Variants in KHDRBS2 observed in about 807,000 individuals in gnomAD.
KHDRBS2 encodes KH RNA binding domain containing, signal transduction associated 2, also known as KH domain-containing, RNA-binding, signal transduction-associated protein 2.
KHDRBS2 carries 26 observed loss-of-function variants against 44.3 expected under a neutral mutation model. That is an observed-to-expected ratio of 0.59 (90% CI 0.43 to 0.81). The LOEUF (loss-of-function observed/expected upper bound fraction) is 0.81. Ranked by LOEUF, KHDRBS2 falls within the 40% of genes least tolerant of loss-of-function variation. The pLI, the probability that KHDRBS2 is intolerant of heterozygous loss-of-function variation, is 0.00. For missense variants in KHDRBS2, 476 were observed against 433.1 expected, an observed-to-expected ratio of 1.10 and a Z score of -0.88; for synonymous variants, 194 against 151.1, an observed-to-expected ratio of 1.28 and a Z score of -2.08.
At chr6:62,246,079 T>C (rs1206930522) in intron 1 of KHDRBS2, among the ~76,000 whole-genome samples, 2 of 138,910 alleles carry the variant, frequency 1.4e-5, no homozygotes, top group East Asian at 4.2e-4. Flanking sequence ...TTCTACAGCA[T>C]AGAAACATTA....
At chr6:61,565,057 A>T in the KHDRBS2 span, among the ~76,000 whole-genome samples, 86 of 152,272 alleles carry the variant, frequency 5.6e-4, no homozygotes, top group African/African-American at 2.0e-3. Context: ...CCAAGAACAC[A>T]CATTAAGGGA....
At chr6:62,025,694 T>G (rs1562668701) in intron 3 of KHDRBS2, among the ~76,000 whole-genome samples, 1 of 152,022 alleles carries the variant, frequency 6.6e-6, no homozygotes, top group Non-Finnish European at 1.5e-5. Flanking sequence ...CTGTGGTTGG[T>G]TTATAAGTTT....
chr6:61,713,933 T>C (rs1194726392), intron 7 of KHDRBS2, among the ~76,000 whole-genome samples: 4 of 151,814 alleles, frequency 2.6e-5, no homozygotes, highest in Non-Finnish European at 5.9e-5. Flanking sequence ...CCTGAAACTA[T>C]AAAAGCACTA....
intron 7 of KHDRBS2, among the ~76,000 whole-genome samples, chr6:61,699,718 G>A (rs1436994653): frequency 6.6e-6 from 1 of 151,998 alleles, no homozygotes; most frequent in Non-Finnish European, 1.5e-5. Flanking sequence ...CTATATATCA[G>A]AGATAAAAAG....
At chr6:61,998,168 C>A (rs1584055301) in intron 3 of KHDRBS2, among the ~76,000 whole-genome samples, 1 of 152,082 alleles carries the variant, frequency 6.6e-6, no homozygotes, top group African/African-American at 2.4e-5. Flanking sequence ...GGGAGACTTA[C>A]TGAAAACTTC....
chr6:61,993,434 A>G (rs1776517474), intron 3 of KHDRBS2, among the ~76,000 whole-genome samples: 2 of 151,948 alleles, frequency 1.3e-5, no homozygotes, highest in African/African-American at 4.8e-5. Flanking sequence ...TTTGTCCTAT[A>G]GAACTGATAA....
At chr6:62,081,896 C>T (rs1349774844) in intron 2 of KHDRBS2, among the ~76,000 whole-genome samples, 1 of 151,938 alleles carries the variant, frequency 6.6e-6, no homozygotes, top group South Asian at 2.1e-4. Flanking sequence ...ACTCTTCTTC[C>T]TGTAGCCTCT....
chr6:61,987,582 C>T (rs1357538383), intron 3 of KHDRBS2, among the ~76,000 whole-genome samples: 3 of 152,092 alleles, frequency 2.0e-5, no homozygotes, highest in African/African-American at 7.2e-5. Flanking sequence ...CAGCTTTTAC[C>T]ATCAAGAAAT....
At chr6:61,703,473 A>G (rs1769007359) in intron 7 of KHDRBS2, among the ~76,000 whole-genome samples, 1 of 151,778 alleles carries the variant, frequency 6.6e-6, no homozygotes, top group African/African-American at 2.4e-5. Flanking sequence ...GTATTCTTAA[A>G]TTTTGTTCTC....
intron 6 of KHDRBS2, among the ~76,000 whole-genome samples, chr6:61,753,400 C>G (rs1437662532): frequency 2.0e-5 from 3 of 152,040 alleles, no homozygotes; most frequent in Admixed American, 2.0e-4. Context: ...CCCCCACCCC[C>G]CCAAACCATA....
At chr6:62,284,908 G>C (rs1842270253) in intron 1 of KHDRBS2, among the ~76,000 whole-genome samples, 1 of 152,068 alleles carries the variant, frequency 6.6e-6, no homozygotes, top group Non-Finnish European at 1.5e-5. Context: ...CTGTATGTAA[G>C]TCCATAACAA....
Position 61,863,190 on chromosome 6 carries a change from T to C in KHDRBS2, c.810+31445A>G, listed in dbSNP as rs1797260293. On this transcript the variant is annotated intron_variant, in intron 6 of 8. Transcript: ENST00000281156. Reference sequence around the variant, plus strand: ...TCTTCTCTCTTTTCTTCTTTATTAGTCCAGCTAGTGGTCTTTTTCCTTATT... The same window carrying C: ...TCTTCTCTCTTTTCTTCTTTATTAGCCCAGCTAGTGGTCTTTTTCCTTATT... Among the ~76,000 whole-genome samples, 2 of 151,858 alleles carry C rather than the reference T, an allele frequency of 1.3e-5. 1 individual carries two copies. Among genetic ancestry groups the C allele is most frequent in the Admixed American group, 1.3e-4 (2 of 15,240 alleles).
the KHDRBS2 span, among the ~76,000 whole-genome samples, chr6:61,635,441 C>A: frequency 6.6e-6 from 1 of 151,846 alleles, no homozygotes; most frequent in Admixed American, 6.6e-5. Context: ...GATAATACAT[C>A]TTTTTAGAGG....
At chr6:61,596,422 A>G in the KHDRBS2 span, among the ~76,000 whole-genome samples, 1 of 152,174 alleles carries the variant, frequency 6.6e-6, no homozygotes. Flanking sequence ...AGATTATCTC[A>G]AATTATATAG....
chr6:61,787,455 C>A (rs995120499), intron 6 of KHDRBS2, among the ~76,000 whole-genome samples: 2 of 151,690 alleles, frequency 1.3e-5, no homozygotes, highest in Non-Finnish European at 1.5e-5. Flanking sequence ...TTATCTCTTG[C>A]GGTTTTTCAT....
the KHDRBS2 span, among the ~76,000 whole-genome samples, chr6:61,566,033 G>T: frequency 1.3e-5 from 2 of 151,630 alleles, no homozygotes; most frequent in East Asian, 3.9e-4. Context: ...GTGTGCATGT[G>T]TGTGTATGCA....
At chr6:61,999,637 G>C (rs1777849318) in intron 3 of KHDRBS2, among the ~76,000 whole-genome samples, 1 of 151,932 alleles carries the variant, frequency 6.6e-6, no homozygotes. Context: ...CCAACAATTT[G>C]CATAAATTTC....
rs553302897 is a variant in KHDRBS2 at position 61,712,874 on chromosome 6, G to T, written c.894-15621C>A. On this transcript the variant is annotated intron_variant, in intron 7 of 8. Transcript: ENST00000281156. ...ATGTCTCCTATAATTTAATAGTACT[G>T]AATATTATGTAACTCAAGTCCACAA... Among the ~76,000 whole-genome samples, 3 of 151,280 alleles carry T rather than the reference G, an allele frequency of 2.0e-5. No homozygotes were observed. In the South Asian group the frequency reaches 6.2e-4, roughly 31 times the overall value.
chr6:61,866,986 TC>T (rs1797894375), intron 6 of KHDRBS2, among the ~76,000 whole-genome samples: 1 of 152,164 alleles, frequency 6.6e-6, no homozygotes. Flanking sequence ...TCCCACATTT[TC>T]CTATCTTCTT....
Sources: gnomAD v4.1 joint callset for allele counts (sites outside exome capture counted in the v4.1 genomes callset) on GRCh38, gnomAD v4.1.1 for gene constraint, MANE v1.5 for transcripts, NCBI Gene and HGNC (gene_info 2026-07-23, HGNC 2026-07-21) for gene names.